Variants in VPS13B observed in about 807,000 individuals in gnomAD.
VPS13B encodes vacuolar protein sorting 13 homolog B.
Under a neutral mutation model 426.4 loss-of-function variants are expected in VPS13B, and 285 were observed. That is an observed-to-expected ratio of 0.67 (90% CI 0.61 to 0.74). The LOEUF is 0.74. Among genes scored for constraint, VPS13B ranks in the 30% least tolerant of loss-of-function variants. VPS13B has a pLI of 0.00. For synonymous variants in VPS13B, 1,676 were observed against 1,676.4 expected, an observed-to-expected ratio of 1.00 and a Z score of 0.01; for missense variants, 4,537 against 4,782.6, an observed-to-expected ratio of 0.95 and a Z score of 1.51.
chr8:99,554,272 G>A (rs946438049), intron 30 of VPS13B, among the ~76,000 whole-genome samples: 1 of 151,952 alleles, frequency 6.6e-6, no homozygotes, highest in Non-Finnish European at 1.5e-5. Flanking sequence ...ATATGTTTAG[G>A]GAGTTTATTT....
chr8:99,693,392 T>C (rs1004453708), intron 35 of VPS13B, among the ~76,000 whole-genome samples: 1 of 149,884 alleles, frequency 6.7e-6, no homozygotes, highest in Non-Finnish European at 1.5e-5. Flanking sequence ...TGGTTCAATA[T>C]ATGCAAATCA....
At chr8:99,504,607 C>A (rs190439300) in intron 27 of VPS13B, among the ~76,000 whole-genome samples, 63 of 152,166 alleles carry the variant, frequency 4.1e-4, no homozygotes, top group African/African-American at 1.4e-3. Context: ...AGCAGTCGTT[C>A]TCAACAAAGA....
chr8:99,516,904 T>TA (rs1327197594), intron 29 of VPS13B, among the ~76,000 whole-genome samples: 1 of 145,088 alleles, frequency 6.9e-6, no homozygotes, highest in African/African-American at 2.6e-5. Context: ...ATTATAAAAA[T>TA]ATCACAGAGC....
rs1427643616 is a variant in VPS13B at position 99,507,899 on chromosome 8, C to CT, written c.4224+698dup. The CT allele has an allele frequency of 5.6e-6, 9 of 1,613,882 alleles. No homozygotes were observed. In the African/African-American group the frequency reaches 1.1e-4, roughly 19 times the overall value. ...AGGACCCTTTCAGTAATTGCTCTGG[C>CT]TTCTTTCCTTCTGTAAGAAATTACT... On this transcript the variant is annotated intron_variant, in intron 28 of 61. Coordinates refer to ENST00000357162, the MANE Select transcript of VPS13B (RefSeq NM_152564.5).
chr8:99,788,447 C>A (rs1812382222), intron 43 of VPS13B, among the ~76,000 whole-genome samples: 1 of 147,974 alleles, frequency 6.8e-6, no homozygotes, highest in Non-Finnish European at 1.5e-5. Context: ...AGCAGCAGAG[C>A]ATCTTGGAAA....
In VPS13B at chr8:99,153,852, A is replaced by G. The variant is rs534408206; in HGVS notation, c.2014-2697A>G. Among the ~76,000 whole-genome samples the G allele has an allele frequency of 4.6e-5, 7 of 151,690 alleles. No individual in the cohort carries two copies. In the East Asian group the frequency reaches 1.2e-3, roughly 25 times the overall value. On this transcript the variant is annotated intron_variant, in intron 14 of 61. Transcript: ENST00000357162. ...TTCTTCTCTCTGAAGAATTTAACAC[A>G]TCTAGTAAGGCAGATATACTGGAAA...
At chr8:99,411,937 G>C (rs1815690070) in intron 21 of VPS13B, among the ~76,000 whole-genome samples, 1 of 152,116 alleles carries the variant, frequency 6.6e-6, no homozygotes, top group Non-Finnish European at 1.5e-5. Flanking sequence ...GCACCATGCT[G>C]TTTGGTTACT....
At chr8:99,527,169 G>T (rs1183702715) in intron 30 of VPS13B, among the ~76,000 whole-genome samples, 2 of 151,614 alleles carry the variant, frequency 1.3e-5, no homozygotes, top group African/African-American at 4.8e-5. Flanking sequence ...GCTCTCGGTG[G>T]ATTCTTTTTA....
intron 25 of VPS13B, among the ~76,000 whole-genome samples, chr8:99,491,109 G>A (rs531978900): frequency 6.4e-4 from 97 of 152,136 alleles, no homozygotes; most frequent in African/African-American, 2.1e-3. Flanking sequence ...TTGTGTTTTC[G>A]TTCTTACTGG....
rs1563700294 is a variant in VPS13B, at chr8:99,384,402, C to CT, written c.2934+91dup. 18 of 1,100,914 alleles carry CT rather than the reference C, an allele frequency of 1.6e-5. 1 individual carries two copies. The South Asian group carries it at 2.2e-4, about 14-fold the overall frequency. 68.2% of individuals were successfully genotyped at this position (1,100,914 alleles called of 1,614,324 possible). The stretch of plus-strand genomic sequence containing the variant: ...AATTATATATGTCTTTTGATGGATT[C>CT]TTTTTTAACAAATGTACTAGATTTC... On this transcript the variant is annotated intron_variant, in intron 20 of 61. Transcript: ENST00000357162.
intron 30 of VPS13B, among the ~76,000 whole-genome samples, chr8:99,523,872 A>G (rs1822507317): frequency 6.6e-6 from 1 of 152,290 alleles, no homozygotes; most frequent in South Asian, 2.1e-4. Flanking sequence ...TGAGGAAAAC[A>G]TGAGCTCACC....
At chr8:99,590,307 T>C (rs545901721) in intron 33 of VPS13B, among the ~76,000 whole-genome samples, 2 of 152,306 alleles carry the variant, frequency 1.3e-5, no homozygotes, top group South Asian at 4.1e-4. Context: ...CATTGATTTT[T>C]TGAAGGGTTT....
In VPS13B at chr8:99,871,467, G is replaced by T. The variant is rs1435481245; in HGVS notation, c.11515G>T (p.Gly3839Cys). ...AAACAGGAAAATGCTTCAGTCTCTGGGCAGACCAGAAGTCCACATGGCCCT... is the reference window on the plus strand; with the variant it reads ...AAACAGGAAAATGCTTCAGTCTCTGTGCAGACCAGAAGTCCACATGGCCCT... The part of the protein sequence containing the change: ...KYVWKMLQSL[G>C]RPEVHMALDV... The change falls in exon 61 of 62, where the codon GGC becomes TGC. Residue 3839 changes from glycine to cysteine, a missense_variant. Coordinates refer to ENST00000357162, the MANE Select transcript of VPS13B (RefSeq NM_152564.5). 1 of 1,614,152 alleles carries T rather than the reference G, an allele frequency of 6.2e-7. No individual in the cohort carries two copies. Among genetic ancestry groups the T allele is most frequent in the South Asian group, 1.1e-5 (1 of 91,078 alleles).
intron 2 of VPS13B, among the ~76,000 whole-genome samples, chr8:99,023,166 C>A (rs1268702424): frequency 6.6e-6 from 1 of 151,026 alleles, no homozygotes; most frequent in Non-Finnish European, 1.5e-5. Context: ...TCCTGCTTGC[C>A]CCTCCCACCC....
intron 2 of VPS13B, among the ~76,000 whole-genome samples, chr8:99,024,844 G>T (rs1357228299): frequency 6.6e-6 from 1 of 152,142 alleles, no homozygotes; most frequent in Non-Finnish European, 1.5e-5. Context: ...GAATAGCATT[G>T]ATAATTTAAT....
chr8:99,418,541 TTTCTTTTC>T lies in VPS13B; in HGVS notation c.3083-12993_3083-12986del, dbSNP rs1816197062. ...CTTTCTTTCTTTCTCTTTCTTTTCT[TTTCTTTTC>T]TTTTCTTTCATTTTTTTGACATGGA... On this transcript the variant is annotated intron_variant, in intron 21 of 61. Transcript: ENST00000357162. 2.0e-5 allele frequency among the ~76,000 whole-genome samples: 3 copies of T among 149,246 alleles called. No homozygotes were observed. The Admixed American group carries it at 2.0e-4, about 10-fold the overall frequency.
At chr8:99,284,481 C>G (rs1033523216) in intron 19 of VPS13B, among the ~76,000 whole-genome samples, 1 of 152,084 alleles carries the variant, frequency 6.6e-6, no homozygotes, top group African/African-American at 2.4e-5. Context: ...GATATAAAGG[C>G]TTATTTTTTG....
At chr8:99,065,430 G>A (rs1844431072) in intron 3 of VPS13B, among the ~76,000 whole-genome samples, 2 of 152,136 alleles carry the variant, frequency 1.3e-5, no homozygotes, top group Admixed American at 1.3e-4. Context: ...CGTCTCAATG[G>A]ATGCAGAAAA....
Position 99,199,688 on chromosome 8 carries a change from C to G in VPS13B, c.2515+6631C>G, listed in dbSNP as rs1337644759. Among the ~76,000 whole-genome samples the G allele has an allele frequency of 2.6e-5, 4 of 152,016 alleles. No individual in the cohort carries two copies. In the East Asian group the frequency reaches 7.7e-4, roughly 29 times the overall value. On this transcript the variant is annotated intron_variant, in intron 17 of 61. Transcript: ENST00000357162. ...TACAGTTTCCTCTCTTCTTTGAGCA[C>G]TAGCTTTATTTTAACATTAGTCTTT...
Sources: gnomAD v4.1 joint callset for allele counts (sites outside exome capture counted in the v4.1 genomes callset) on GRCh38, gnomAD v4.1.1 for gene constraint, MANE v1.5 for transcripts, NCBI Gene and HGNC (gene_info 2026-07-23, HGNC 2026-07-21) for gene names.